SNED1: variants seen among roughly 807,000 people sequenced by gnomAD.
The protein encoded by SNED1 is sushi, nidogen and EGF-like domain-containing protein 1.
Under a neutral mutation model 166.7 loss-of-function variants are expected in SNED1, and 81 were observed. The observed-to-expected ratio is 0.49, with a 90% CI of 0.41 to 0.58. The LOEUF is 0.58. Among genes scored for constraint, SNED1 ranks in the 20% least tolerant of loss-of-function variants. The pLI is 0.00. For missense variants in SNED1, 1,604 were observed against 2,000.2 expected (o/e 0.80, Z 3.78); for synonymous variants, 762 against 822.0 (o/e 0.93, Z 1.25).
At position 240,999,077 on chromosome 2, in the gene SNED1, GC is replaced by G; in HGVS notation, c.213+30del. 8.1e-7 allele frequency: 1 copy of G among 1,233,766 alleles called. No individual in the cohort carries two copies. 76.4% of individuals were successfully genotyped at this position (1,233,766 alleles called of 1,614,324 possible). On this transcript the variant is annotated intron_variant, in intron 1 of 31. Coordinates refer to ENST00000310397, the MANE Select transcript of SNED1 (RefSeq NM_001080437.3). The surrounding 1 kb of genome is among the most constrained non-coding windows in gnomAD (Gnocchi z 5.8). ...TGAGTAACCCCCGGGCTCGCGGGGC[GC>G]CCGGGAGGGGAGGGAGCTGCGCCCC...
chr2:241,028,024 C>T (rs996012827), intron 1 of SNED1, among the ~76,000 whole-genome samples: 3 of 152,118 alleles, frequency 2.0e-5, no homozygotes, highest in Non-Finnish European at 2.9e-5. Flanking sequence ...TGAGCCACCG[C>T]GCCGGGCCAG....
chr2:241,080,904 A>G (rs1351501478), intron 27 of SNED1, among the ~76,000 whole-genome samples: 2 of 151,894 alleles, frequency 1.3e-5, no homozygotes, highest in South Asian at 2.1e-4. Flanking sequence ...TTCACAGACC[A>G]CTCTCCAGCT....
At chr2:241,036,215 G>T (rs2061364446) in intron 4 of SNED1, among the ~76,000 whole-genome samples, 1 of 151,868 alleles carries the variant, frequency 6.6e-6, no homozygotes, top group Non-Finnish European at 1.5e-5. Context: ...GTGGTGCCGC[G>T]ACGAAGGAGG....
chr2:241,067,652 G>A, intron 21 of SNED1, 112 bp from the exon 22 acceptor site: 2 of 813,934 alleles, frequency 2.5e-6, no homozygotes, highest in Non-Finnish European at 3.8e-6. Context: ...ACCCTCTCCA[G>A]TGCCTCTCTG....
rs2062575897 is a variant in SNED1, at chr2:241,068,765, T to C, written c.3195-146T>C. The C allele has an allele frequency of 1.6e-6, 1 of 618,014 alleles. No individual in the cohort carries two copies. Among genetic ancestry groups the C allele is most frequent in the South Asian group, 2.0e-5 (1 of 50,776 alleles). 38.3% of individuals were successfully genotyped at this position (618,014 alleles called of 1,614,324 possible). On this transcript the variant is annotated intron_variant, in intron 22 of 31. Transcript: ENST00000310397. The surrounding 1 kb of genome is among the most constrained non-coding windows in gnomAD (Gnocchi z 5.3). ...CACACGGCTCTGAGGGCCATGAGTC[T>C]GCCCCTCGTGGAGGTTGCCTGGGCC...
intron 31 of SNED1, chr2:241,089,471 A>AC (rs2063766944): frequency 6.6e-7 from 1 of 1,524,742 alleles, no homozygotes; most frequent in Non-Finnish European, 8.8e-7. Flanking sequence ...GAGTGTCCAC[A>AC]CCCCCTTGGG....
intron 1 of SNED1, among the ~76,000 whole-genome samples, chr2:241,017,928 T>G (rs1406411089): frequency 1.3e-5 from 2 of 152,196 alleles, no homozygotes; most frequent in African/African-American, 4.8e-5. Flanking sequence ...AGGCAATGAA[T>G]GAGCCAAAAA....
intron 29 of SNED1, among the ~76,000 whole-genome samples, chr2:241,082,809 A>G (rs1330146243): frequency 6.6e-6 from 1 of 152,222 alleles, no homozygotes; most frequent in Non-Finnish European, 1.5e-5. Flanking sequence ...CTGTGGAGGG[A>G]GAGATGCCCA....
chr2:241,038,433 G>A lies in SNED1; in HGVS notation c.1045+1080G>A, dbSNP rs1414787947. Among the ~76,000 whole-genome samples, 19 of 152,332 alleles carry A rather than the reference G, an allele frequency of 1.2e-4. No individual in the cohort carries two copies. The East Asian group carries it at 3.7e-3, about 29-fold the overall frequency. On this transcript the variant is annotated intron_variant, in intron 6 of 31. Transcript: ENST00000310397. ...TGAAAGTACATTAGAATGAAGTTCT[G>A]CAGGAATGCAATGGAAATGTGACTT... is the stretch of plus-strand genomic sequence containing the variant.
chr2:241,063,965 C>T, intron 18 of SNED1, 47 bp from the exon 19 acceptor site: 2 of 1,381,660 alleles, frequency 1.4e-6, no homozygotes, highest in African/African-American at 1.4e-5. Context: ...CTCCCTCCCC[C>T]AGACTCCCCC....
At chr2:241,026,108 C>A (rs542193940) in intron 1 of SNED1, among the ~76,000 whole-genome samples, 1 of 148,746 alleles carries the variant, frequency 6.7e-6, no homozygotes, top group South Asian at 2.2e-4. Context: ...CTCCGCCTCC[C>A]GGGTTCAAGC....
intron 3 of SNED1, 120 bp from the exon 4 acceptor site, chr2:241,034,448 G>C: frequency 5.3e-6 from 5 of 943,996 alleles, no homozygotes; most frequent in Non-Finnish European, 7.8e-6. Context: ...GGTTGGCTGA[G>C]GTCAGGACCT....
intron 1 of SNED1, 45 bp from the exon 2 acceptor site, chr2:241,030,239 C>T: frequency 6.7e-7 from 1 of 1,499,966 alleles, no homozygotes. Flanking sequence ...CACCCGCCTG[C>T]CCACAGCCCC....
chr2:241,078,640 G>A (rs776308168), intron 27 of SNED1, among the ~76,000 whole-genome samples: 1 of 151,794 alleles, frequency 6.6e-6, no homozygotes, highest in Non-Finnish European at 1.5e-5. Flanking sequence ...CTGGAGGGTG[G>A]AGGGGATGGG....
At chr2:241,081,517 GCT>G (rs1559309288) in intron 27 of SNED1, among the ~76,000 whole-genome samples, 158 bp from the exon 28 acceptor site, 1 of 152,218 alleles carries the variant, frequency 6.6e-6, no homozygotes, top group African/African-American at 2.4e-5. Flanking sequence ...CTGGGACCAC[GCT>G]CTAGGGCCCA....
chr2:241,014,839 C>A (rs935961189), intron 1 of SNED1, among the ~76,000 whole-genome samples: 3 of 152,102 alleles, frequency 2.0e-5, no homozygotes, highest in Non-Finnish European at 2.9e-5. Flanking sequence ...GTGATCTTCT[C>A]TTGGGGCCCG....
chr2:240,998,566 C>G (rs545430658), upstream of SNED1, among the ~76,000 whole-genome samples: 4 of 152,084 alleles, frequency 2.6e-5, no homozygotes, highest in African/African-American at 9.7e-5. Flanking sequence ...GCCCCGCCCC[C>G]CCGAGTGACC....
chr2:241,026,307 C>T (rs547654605), intron 1 of SNED1, among the ~76,000 whole-genome samples: 16 of 152,280 alleles, frequency 1.1e-4, no homozygotes, highest in Middle Eastern at 3.4e-3. Context: ...TGAGCCACTG[C>T]GCCCAGCCTG....
chr2:241,077,078 CAA>C (rs377757851), intron 27 of SNED1, among the ~76,000 whole-genome samples: 16 of 114,490 alleles, frequency 1.4e-4, no homozygotes, highest in Admixed American at 2.8e-4. Context: ...GACTCCGTCT[CAA>C]AAAAAAAAAA....
Sources: gnomAD v4.1 joint callset for allele counts (sites outside exome capture counted in the v4.1 genomes callset) on GRCh38, gnomAD v4.1.1 for gene constraint, Gnocchi (gnomAD v3.1) non-coding constraint, MANE v1.5 for transcripts, NCBI Gene and HGNC (gene_info 2026-07-23, HGNC 2026-07-21) for gene names.